The following ACSM6 variants were observed in gnomAD, a reference collection of about 807,000 sequenced individuals.
ACSM6 encodes the protein acyl-coenzyme A synthetase ACSM6, mitochondrial.
In ACSM6, 35 loss-of-function variants were observed where a neutral mutation model predicts 51.1. The observed-to-expected ratio is 0.69, with a 90% CI of 0.52 to 0.91. The LOEUF is 0.91. ACSM6 is among the 40% of genes least tolerant of loss of function. The pLI is 0.00. For missense variants in ACSM6, 509 were observed against 584.1 expected (o/e 0.87, Z 1.32); for synonymous variants, 172 against 207.3 (o/e 0.83, Z 1.46).
chr10:95,210,315 A>G (rs930587360), intron 4 of ACSM6, among the ~76,000 whole-genome samples: 3 of 152,210 alleles, frequency 2.0e-5, no homozygotes, highest in African/African-American at 7.2e-5. Context: ...GATGTGGCAC[A>G]GATAGCTAGG....
chr10:95,194,362 A>G, intron 1 of ACSM6, 59 bp downstream of exon 1: 1 of 883,738 alleles, frequency 1.1e-6, no homozygotes, highest in Non-Finnish European at 1.7e-6. Flanking sequence ...TTGTACTCAT[A>G]AGGAAATTGT....
intron 7 of ACSM6, 133 bp downstream of exon 7, chr10:95,213,073 C>A (rs2034910779): frequency 1.5e-6 from 1 of 681,856 alleles, no homozygotes; most frequent in Non-Finnish European, 2.6e-6. Context: ...CCATTCATGA[C>A]AACAACTCCA....
chr10:95,213,032 C>A (rs1589495467), intron 7 of ACSM6, 92 bp downstream of exon 7: 1 of 1,054,954 alleles, frequency 9.5e-7, no homozygotes, highest in Non-Finnish European at 1.4e-6. Flanking sequence ...TAGATCCAAT[C>A]TTACCCTCCG....
At chr10:95,200,192 T>C (rs1438737147) in intron 2 of ACSM6, among the ~76,000 whole-genome samples, 10 of 151,900 alleles carry the variant, frequency 6.6e-5, no homozygotes, top group African/African-American at 2.4e-4. Context: ...TTCATGTCCT[T>C]TGTAGGGACA....
intron 3 of ACSM6, among the ~76,000 whole-genome samples, chr10:95,204,523 C>T (rs1405481232): frequency 1.3e-5 from 2 of 152,152 alleles, no homozygotes; most frequent in East Asian, 3.9e-4. Flanking sequence ...CACTGCACTC[C>T]AGCCTGGGTG....
At chr10:95,195,711 G>A (rs1004196973) in intron 2 of ACSM6, among the ~76,000 whole-genome samples, 2 of 151,352 alleles carry the variant, frequency 1.3e-5, no homozygotes, top group African/African-American at 4.9e-5. Context: ...CCCCTTCCTG[G>A]CCCTCCCCAC....
chr10:95,222,140 G>C, intron 9 of ACSM6, among the ~76,000 whole-genome samples: 1 of 152,198 alleles, frequency 6.6e-6, no homozygotes, highest in African/African-American at 2.4e-5. Flanking sequence ...GATTATCTCT[G>C]TTTGCAGATT....
chr10:95,202,075 T>C, exon 3 of ACSM6: 1 of 1,551,938 alleles, frequency 6.4e-7, no homozygotes, highest in Non-Finnish European at 8.7e-7. Context: ...GACTCAACTC[T>C]CCAAGAAGGC....
chr10:95,211,706 G>GA (rs1418155532), intron 5 of ACSM6, among the ~76,000 whole-genome samples, 172 bp from the exon 6 acceptor site: 2 of 152,172 alleles, frequency 1.3e-5, no homozygotes, highest in Admixed American at 6.5e-5. Context: ...GACTGATACT[G>GA]AAAAAATTTA....
At chr10:95,214,276 T>C (rs1379168941) in intron 7 of ACSM6, among the ~76,000 whole-genome samples, 1 of 152,162 alleles carries the variant, frequency 6.6e-6, no homozygotes, top group Non-Finnish European at 1.5e-5. Flanking sequence ...TCTGAGACCA[T>C]AAAAAGTTTT....
At chr10:95,195,740 G>C (rs1332502268) in intron 2 of ACSM6, among the ~76,000 whole-genome samples, 1 of 151,558 alleles carries the variant, frequency 6.6e-6, no homozygotes, top group Non-Finnish European at 1.5e-5. Flanking sequence ...CCCGCTTTGG[G>C]AGGAGTAAGG....
chr10:95,208,933 T>TAAAAAAAAAAAAAAAAAAAAAA lies in ACSM6; in HGVS notation c.611+1524_611+1545dup, dbSNP rs34370150. 1.2e-4 allele frequency among the ~76,000 whole-genome samples: 4 copies of TAAAAAAAAAAAAAAAAAAAAAA among 33,918 alleles called. 1 individual carries two copies. Among genetic ancestry groups the TAAAAAAAAAAAAAAAAAAAAAA allele is most frequent in the Non-Finnish European group, 2.2e-4 (4 of 18,346 alleles). 22.3% of individuals were successfully genotyped at this position (33,918 alleles called of 152,430 possible). A position where few individuals can be genotyped will look rare whatever the true frequency, so the allele number is the denominator to read the frequency against. ...CAGTATTTCAGTGTCCAGGGATGTT[T>TAAAAAAAAAAAAAAAAAAAAAA]AAAAAAAAAAAAAAAAAAAAAAAAA... On this transcript the variant is annotated intron_variant, in intron 4 of 10. Transcript: ENST00000341686.
intron 3 of ACSM6, 41 bp from the exon 4 acceptor site, chr10:95,207,167 C>T: frequency 6.3e-7 from 1 of 1,595,780 alleles, no homozygotes; most frequent in Non-Finnish European, 8.6e-7. Context: ...ATTCTCTACT[C>T]AAAAGATAAA....
chr10:95,200,731 A>C (rs1178436963), intron 2 of ACSM6, among the ~76,000 whole-genome samples: 2 of 151,806 alleles, frequency 1.3e-5, no homozygotes, highest in East Asian at 3.9e-4. Context: ...GGAGGAAGAA[A>C]GTTGTAAAGG....
In ACSM6 at chr10:95,211,328, T is replaced by C. The variant is rs1589494834; in HGVS notation, c.755+535T>C. On this transcript the variant is annotated intron_variant, in intron 5 of 10. Transcript: ENST00000341686. ...TTTGGTTGAACATGCAATGAAGTAGTTGGCTTGCACTTGTGTTAGCTTGGT... is the reference window on the plus strand; with the variant it reads ...TTTGGTTGAACATGCAATGAAGTAGCTGGCTTGCACTTGTGTTAGCTTGGT... 6.6e-5 allele frequency among the ~76,000 whole-genome samples: 10 copies of C among 152,376 alleles called. No homozygotes were observed. In the South Asian group the frequency reaches 2.1e-3, roughly 32 times the overall value.
intron 8 of ACSM6, 39 bp from the exon 9 acceptor site, chr10:95,219,852 C>G: frequency 6.6e-7 from 1 of 1,522,614 alleles, no homozygotes; most frequent in South Asian, 1.1e-5. Flanking sequence ...TAATTTATTG[C>G]TTTTTTAAAG....
chr10:95,198,206 T>C (rs1351594621), intron 2 of ACSM6, among the ~76,000 whole-genome samples: 1 of 151,984 alleles, frequency 6.6e-6, no homozygotes, highest in Non-Finnish European at 1.5e-5. Flanking sequence ...GTCTGATCTC[T>C]CTTTCTTTTC....
rs777799687 is a variant in ACSM6 at position 95,211,970 on chromosome 10, G to A, written c.848G>A (p.Trp283Ter). ...TCCCTGAGCGCTGTCTTGGGAACTT[G>A]GTTCCAAGGAGCCTGTGTGTTTCTG... The change falls in exon 6 of 11, where the codon TGG becomes TAG. Residue 283 changes from tryptophan (W) to a stop codon, truncating the protein, a stop_gained. Transcript: ENST00000341686. LOFTEE classifies it high-confidence loss of function. 3.1e-5 allele frequency: 50 copies of A among 1,613,976 alleles called. No homozygotes were observed. The highest frequency in any genetic ancestry group is 3.9e-5 in the Non-Finnish European group (46 of 1,180,010).
At chr10:95,212,880 C>A in exon 7 of ACSM6, 1 of 1,613,714 alleles carries the variant, frequency 6.2e-7, no homozygotes, top group Non-Finnish European at 8.5e-7. Context: ...TTTCCCATCA[C>A]CACTCTATCT....
Sources: gnomAD v4.1 joint callset for allele counts (sites outside exome capture counted in the v4.1 genomes callset) on GRCh38, gnomAD v4.1.1 for gene constraint, MANE v1.5 for transcripts, NCBI Gene and HGNC (gene_info 2026-07-23, HGNC 2026-07-21) for gene names.